TMOD1: variants seen among roughly 807,000 people sequenced by gnomAD.
The protein encoded by TMOD1 is tropomodulin 1.
TMOD1 carries 17 observed loss-of-function variants against 40.6 expected under a neutral mutation model. That is an observed-to-expected ratio of 0.42 (90% CI 0.29 to 0.63). TMOD1 has a LOEUF of 0.63. Ranked by LOEUF, TMOD1 falls within the 20% of genes least tolerant of loss-of-function variation. The pLI, the probability that TMOD1 is intolerant of heterozygous loss-of-function variation, is 0.22. For missense variants in TMOD1, 391 were observed against 447.6 expected (o/e 0.87, Z 1.14); for synonymous variants, 181 against 175.0 (o/e 1.03, Z -0.27).
At chr9:97,575,273 C>A (rs2805804) in intron 8 of TMOD1, among the ~76,000 whole-genome samples, 27,069 of 152,060 alleles carry the variant, frequency 0.18, 2,566 homozygotes, top group Non-Finnish European at 0.2. Context: ...CGAAGGCCTG[C>A]AGCTTCACTC....
intron 8 of TMOD1, among the ~76,000 whole-genome samples, chr9:97,589,228 A>G (rs2131290377): frequency 6.6e-6 from 1 of 151,256 alleles, no homozygotes; most frequent in Non-Finnish European, 1.5e-5. Context: ...TAGAAGTACA[A>G]CTGATTTTTG....
chr9:97,582,510 A>G (rs999873246), intron 8 of TMOD1, among the ~76,000 whole-genome samples: 10 of 143,668 alleles, frequency 7.0e-5, no homozygotes, highest in African/African-American at 2.2e-4. Flanking sequence ...TATGAACTTT[A>G]AAGTAGTTTT....
intron 9 of TMOD1, among the ~76,000 whole-genome samples, chr9:97,599,386 G>A (rs1826198538): frequency 6.6e-6 from 1 of 152,146 alleles, no homozygotes; most frequent in South Asian, 2.1e-4. Flanking sequence ...TATAACGTGG[G>A]ACTGTGTGGT....
At chr9:97,538,177 C>T (rs1202000799) in intron 2 of TMOD1, among the ~76,000 whole-genome samples, 1 of 152,094 alleles carries the variant, frequency 6.6e-6, no homozygotes, top group Non-Finnish European at 1.5e-5. Context: ...TAATTTTAGC[C>T]TAAGATCAGA....
At chr9:97,588,845 G>A (rs1413821176) in intron 8 of TMOD1, among the ~76,000 whole-genome samples, 1 of 152,008 alleles carries the variant, frequency 6.6e-6, no homozygotes, top group African/African-American at 2.4e-5. Flanking sequence ...TTTTGGCCAA[G>A]CGCAGTGGCT....
chr9:97,579,564 G>A (rs1332296390), intron 8 of TMOD1, among the ~76,000 whole-genome samples: 1 of 152,202 alleles, frequency 6.6e-6, no homozygotes, highest in East Asian at 1.9e-4. Flanking sequence ...GGGATTATAG[G>A]TGTGAGCCAC....
At chr9:97,571,346 A>T (rs1224369169) in intron 8 of TMOD1, among the ~76,000 whole-genome samples, 1 of 152,202 alleles carries the variant, frequency 6.6e-6, no homozygotes, top group Non-Finnish European at 1.5e-5. Context: ...CCCTTACCTT[A>T]GCTGAATACC....
intron 2 of TMOD1, among the ~76,000 whole-genome samples, chr9:97,541,369 G>T (rs1246692400): frequency 6.6e-6 from 1 of 151,928 alleles, no homozygotes; most frequent in Non-Finnish European, 1.5e-5. Flanking sequence ...TGTATTTTTA[G>T]TAGAGACGGG....
At chr9:97,588,217 A>G (rs898628273) in intron 8 of TMOD1, among the ~76,000 whole-genome samples, 6 of 152,218 alleles carry the variant, frequency 3.9e-5, no homozygotes, top group African/African-American at 7.2e-5. Context: ...CCCACCAGCA[A>G]TGTATGAGGG....
In TMOD1 at chr9:97,600,879, T is replaced by G; in HGVS notation, c.*1181T>G. 8.9e-7 allele frequency: 1 copy of G among 1,123,742 alleles called. No homozygotes were observed. Among genetic ancestry groups the G allele is most frequent in the Non-Finnish European group, 1.1e-6 (1 of 905,374 alleles). The allele number at this position is 1,123,742 out of a possible 1,614,324, so 69.6% of individuals were successfully genotyped here. A position where few individuals can be genotyped will look rare whatever the true frequency, so the allele number is the denominator to read the frequency against. On this transcript the variant is annotated 3_prime_UTR_variant, in exon 10 of 10. Transcript: ENST00000259365. ...GTTAAGCCACAATGCCCTTGTGCCT[T>G]TTAATATACCACAGTGCCAGTTAAA...
At chr9:97,546,374 C>A in intron 3 of TMOD1, 33 bp downstream of exon 3, 3 of 1,603,940 alleles carry the variant, frequency 1.9e-6, no homozygotes, top group Non-Finnish European at 2.6e-6. Flanking sequence ...TAATATGCCA[C>A]TCCCCATGCA....
intron 8 of TMOD1, among the ~76,000 whole-genome samples, chr9:97,570,277 C>T (rs968194110): frequency 2.6e-5 from 4 of 152,208 alleles, no homozygotes; most frequent in Non-Finnish European, 5.9e-5. Flanking sequence ...TCTCATGCCT[C>T]CATGCCTTTC....
chr9:97,576,074 G>T (rs369279521), intron 8 of TMOD1, among the ~76,000 whole-genome samples: 6 of 152,140 alleles, frequency 3.9e-5, no homozygotes, highest in African/African-American at 1.4e-4. Context: ...ACACCAGGGC[G>T]TCCCGTGAAG....
intron 2 of TMOD1, among the ~76,000 whole-genome samples, chr9:97,535,117 A>G (rs1245154046): frequency 1.3e-5 from 2 of 152,122 alleles, no homozygotes; most frequent in Non-Finnish European, 2.9e-5. Flanking sequence ...TGGCTGATGA[A>G]TTGGTCAAGA....
At chr9:97,571,760 G>A (rs1457374756) in intron 8 of TMOD1, among the ~76,000 whole-genome samples, 3 of 152,238 alleles carry the variant, frequency 2.0e-5, no homozygotes, top group Non-Finnish European at 4.4e-5. Context: ...TGCTATGCCT[G>A]TCTGGGTTCT....
rs56669574 is a variant in TMOD1 at position 97,508,057 on chromosome 9, TCACACACACACACACACA to T, written c.-49+6285_-49+6302del. ...ATGAAACACAATCTATCTTCCTGAT[TCACACACACACACACACA>T]CACACACACACACACACACACACAC... is the stretch of plus-strand genomic sequence containing the variant. On this transcript the variant is annotated intron_variant, in intron 1 of 9. Coordinates refer to ENST00000259365, the MANE Select transcript of TMOD1 (RefSeq NM_003275.4). Among the ~76,000 whole-genome samples the T allele has an allele frequency of 3.2e-3, 420 of 132,078 alleles. 1 individual carries two copies. The highest frequency in any genetic ancestry group is 0.01 in the African/African-American group (365 of 35,684). 86.6% of individuals were successfully genotyped at this position (132,078 alleles called of 152,430 possible).
chr9:97,516,653 A>C (rs1203524588), intron 1 of TMOD1: 1 of 152,336 alleles, frequency 6.6e-6, no homozygotes, highest in Admixed American at 6.5e-5. Flanking sequence ...ACTCACTGAG[A>C]TCATAAGAGG....
At chr9:97,544,604 T>C (rs1465721139) in intron 2 of TMOD1, among the ~76,000 whole-genome samples, 1 of 152,142 alleles carries the variant, frequency 6.6e-6, no homozygotes, top group East Asian at 1.9e-4. Flanking sequence ...GCTGTATCCC[T>C]CTATGTGCCA....
chr9:97,549,352 A>G (rs946879584), intron 3 of TMOD1, among the ~76,000 whole-genome samples: 7 of 152,286 alleles, frequency 4.6e-5, no homozygotes, highest in African/African-American at 1.7e-4. Context: ...TTCACATGCC[A>G]CTAGTAAGAT....
Sources: allele counts gnomAD v4.1 joint callset (sites outside exome capture counted in the v4.1 genomes callset), GRCh38; gene constraint gnomAD v4.1.1; transcripts MANE v1.5; gene names NCBI Gene and HGNC (gene_info 2026-07-23, HGNC 2026-07-21).